METAP1D: variants seen among roughly 807,000 people sequenced by gnomAD.
The protein encoded by METAP1D is methionyl aminopeptidase type 1D, mitochondrial, also known as methionine aminopeptidase 1D, mitochondrial.
In METAP1D, 31 loss-of-function variants were observed where a neutral mutation model predicts 40.5. That is an observed-to-expected ratio of 0.77 (90% CI 0.58 to 1.03). The LOEUF (loss-of-function observed/expected upper bound fraction) is 1.03. METAP1D is among the 50% of genes least tolerant of loss of function. The probability of loss-of-function intolerance (pLI) is 0.00; values close to 1 mark genes in which losing one functional copy is unlikely to be tolerated. For synonymous variants in METAP1D, 151 were observed against 146.4 expected (o/e 1.03, Z -0.22); for missense variants, 411 against 420.7 (o/e 0.98, Z 0.20).
chr2:172,079,613 TC>T (rs1690650920), intron 8 of METAP1D, among the ~76,000 whole-genome samples: 1 of 152,164 alleles, frequency 6.6e-6, no homozygotes, highest in African/African-American at 2.4e-5. Flanking sequence ...GGTGGCCCGT[TC>T]CTGGCTGATC....
At chr2:172,016,348 TG>T (rs934414045) in intron 1 of METAP1D, among the ~76,000 whole-genome samples, 8 of 123,026 alleles carry the variant, frequency 6.5e-5, no homozygotes, top group Admixed American at 3.9e-4. Flanking sequence ...CCAGGCGTGG[TG>T]ACTAATGCTT....
rs138586827 is a variant in METAP1D, at chr2:172,036,279, T to G, written c.41-25219T>G. 5.5e-5 allele frequency among the ~76,000 whole-genome samples: 8 copies of G among 146,044 alleles called. No individual in the cohort carries two copies. In the East Asian group the frequency reaches 1.3e-3, roughly 23 times the overall value. On this transcript the variant is annotated intron_variant, in intron 1 of 9. Coordinates refer to ENST00000315796, the MANE Select transcript of METAP1D (RefSeq NM_199227.3). ...TTGCAGAGAGCCGAGATCGCGCCAT[T>G]GCACTCCAGCCTGGGCGACAGAGCG...
At chr2:172,022,157 G>T (rs1326874385) in intron 1 of METAP1D, among the ~76,000 whole-genome samples, 1 of 152,154 alleles carries the variant, frequency 6.6e-6, no homozygotes, top group East Asian at 1.9e-4. Context: ...TGTTGTGACT[G>T]ATAAACATGA....
In METAP1D at chr2:172,055,695, G is replaced by A. The variant is rs1038564; in HGVS notation, c.41-5803G>A. Among the ~76,000 whole-genome samples, 5,947 of 152,238 alleles carry A rather than the reference G, an allele frequency of 0.039. 637 individuals are homozygous for A. In the East Asian group the frequency reaches 0.45, roughly 12 times the overall value. On this transcript the variant is annotated intron_variant, in intron 1 of 9. Coordinates refer to ENST00000315796, the MANE Select transcript of METAP1D (RefSeq NM_199227.3). ...ACACAGTATGGCACCTTATTATCCT[G>A]TTGCCTTGTGACAACATTTGTAAGG...
chr2:172,080,676 G>A lies in METAP1D; in HGVS notation c.*270G>A. On this transcript the variant is annotated 3_prime_UTR_variant, in exon 10 of 10. Coordinates refer to ENST00000315796, the MANE Select transcript of METAP1D (RefSeq NM_199227.3). ...TCAACGCATCTGGAGGGGACTGGAG[G>A]AAACCCCCTTGTTGGAAGAGATTCC... is the stretch of plus-strand genomic sequence containing the variant. The A allele has an allele frequency of 1.7e-6, 1 of 578,066 alleles. No homozygotes were observed. Among genetic ancestry groups the A allele is most frequent in the East Asian group, 2.9e-5 (1 of 34,464 alleles). The allele number at this position is 578,066 out of a possible 1,614,324, so 35.8% of individuals were successfully genotyped here.
At chr2:172,024,249 T>C (rs1689071836) in intron 1 of METAP1D, among the ~76,000 whole-genome samples, 1 of 152,198 alleles carries the variant, frequency 6.6e-6, no homozygotes, top group South Asian at 2.1e-4. Flanking sequence ...TACTGGTTTT[T>C]GCTCATTTAA....
chr2:172,005,896 C>G (rs1211283088), intron 1 of METAP1D, among the ~76,000 whole-genome samples: 1 of 151,896 alleles, frequency 6.6e-6, no homozygotes, highest in Admixed American at 6.6e-5. Flanking sequence ...ACAAATAGTT[C>G]TGTCTCCCAT....
intron 1 of METAP1D, among the ~76,000 whole-genome samples, chr2:172,054,462 T>C (rs1689957614): frequency 6.6e-6 from 1 of 152,028 alleles, no homozygotes; most frequent in Non-Finnish European, 1.5e-5. Flanking sequence ...GAGGTTGCAG[T>C]GAGCCGAGAT....
chr2:172,003,231 G>A (rs1247362512), intron 1 of METAP1D, among the ~76,000 whole-genome samples: 1 of 152,100 alleles, frequency 6.6e-6, no homozygotes, highest in East Asian at 1.9e-4. Flanking sequence ...GGGCCTTTAA[G>A]GGACTAAAAT....
At chr2:172,062,251 A>C (rs1690158187) in intron 2 of METAP1D, among the ~76,000 whole-genome samples, 2 of 152,200 alleles carry the variant, frequency 1.3e-5, no homozygotes, top group Non-Finnish European at 2.9e-5. Context: ...TAGCTAAAGA[A>C]ATATAGATTG....
At chr2:172,078,785 G>A (rs1690618807) in intron 7 of METAP1D, among the ~76,000 whole-genome samples, 1 of 152,122 alleles carries the variant, frequency 6.6e-6, no homozygotes, top group Admixed American at 6.5e-5. Context: ...TCAGGCCCCT[G>A]CTCCCCACAA....
At chr2:172,009,165 C>T (rs1688654874) in intron 1 of METAP1D, among the ~76,000 whole-genome samples, 1 of 151,980 alleles carries the variant, frequency 6.6e-6, no homozygotes, top group Non-Finnish European at 1.5e-5. Context: ...CTCAGCCTCC[C>T]GAGTAGCTGG....
In METAP1D at chr2:172,039,921, C is replaced by T. The variant is rs113897310; in HGVS notation, c.41-21577C>T. 2.5e-3 allele frequency among the ~76,000 whole-genome samples: 373 copies of T among 151,942 alleles called. 1 individual carries two copies. The highest frequency in any genetic ancestry group is 3.2e-3 in the Non-Finnish European group (215 of 67,976). On this transcript the variant is annotated intron_variant, in intron 1 of 9. Coordinates refer to ENST00000315796, the MANE Select transcript of METAP1D (RefSeq NM_199227.3). ...CGAACTCCTGACCTCGTGATCTGCC[C>T]ACCTTGGCCTCTCAGAGTGCTGGGA...
chr2:172,054,209 C>G (rs577129025), intron 1 of METAP1D, among the ~76,000 whole-genome samples: 4 of 152,246 alleles, frequency 2.6e-5, no homozygotes, highest in African/African-American at 9.6e-5. Flanking sequence ...TTGTGTGCAG[C>G]AACATTCGTT....
intron 1 of METAP1D, among the ~76,000 whole-genome samples, chr2:172,036,799 T>C (rs1396472901): frequency 6.6e-6 from 1 of 152,246 alleles, no homozygotes; most frequent in Non-Finnish European, 1.5e-5. Flanking sequence ...AAGGTGGTTG[T>C]ACCAGTTGAC....
chr2:172,068,420 G>C (rs1355681209), intron 5 of METAP1D, among the ~76,000 whole-genome samples: 2 of 151,832 alleles, frequency 1.3e-5, no homozygotes, highest in Admixed American at 1.3e-4. Flanking sequence ...AATAAATGAA[G>C]TACAAGTACT....
chr2:172,042,830 TAC>T lies in METAP1D; in HGVS notation c.41-18664_41-18663del, dbSNP rs1288621279. Among the ~76,000 whole-genome samples the T allele has an allele frequency of 3.7e-5, 2 of 53,568 alleles. 1 individual carries two copies. The highest frequency in any genetic ancestry group is 7.9e-5 in the Non-Finnish European group (2 of 25,340). The allele number at this position is 53,568 out of a possible 152,430, so 35.1% of individuals were successfully genotyped here. On this transcript the variant is annotated intron_variant, in intron 1 of 9. Transcript: ENST00000315796. ...ACACATATACGTGTGTGTGTATATG[TAC>T]ACATATACGTGTGTGTGTATATATG...
In METAP1D at chr2:171,999,989, T is replaced by C; in HGVS notation, c.20T>C (p.Val7Ala). 7.4e-7 allele frequency: 1 copy of C among 1,345,182 alleles called. No homozygotes were observed. 83.3% of individuals were successfully genotyped at this position (1,345,182 alleles called of 1,614,324 possible). A position where few individuals can be genotyped will look rare whatever the true frequency, so the allele number is the denominator to read the frequency against. MAAPSGVHLLVRRGSHR... is the reference protein window; with the variant it reads MAAPSGAHLLVRRGSHR... ...GCCAACATGGCGGCGCCCAGTGGCG[T>C]CCACCTGCTCGTCCGCAGAGGTAAG... The change falls in exon 1 of 10, where the codon GTC (valine) becomes GCC (alanine). Residue 7 changes from valine (V) to alanine (A), a missense_variant. Coordinates refer to ENST00000315796, the MANE Select transcript of METAP1D (RefSeq NM_199227.3).
chr2:172,014,423 A>G (rs1006939665), intron 1 of METAP1D, among the ~76,000 whole-genome samples: 1 of 151,942 alleles, frequency 6.6e-6, no homozygotes, highest in Non-Finnish European at 1.5e-5. Flanking sequence ...GAAATTTATT[A>G]TTATAAAAAC....
Sources: allele counts gnomAD v4.1 joint callset (sites outside exome capture counted in the v4.1 genomes callset), GRCh38; gene constraint gnomAD v4.1.1; transcripts MANE v1.5; gene names NCBI Gene and HGNC (gene_info 2026-07-23, HGNC 2026-07-21).